PDSS2: variants seen among roughly 807,000 people sequenced by gnomAD.
PDSS2 encodes decaprenyl diphosphate synthase subunit 2, also known as all trans-polyprenyl-diphosphate synthase PDSS2.
In PDSS2, 31 loss-of-function variants were observed where a neutral mutation model predicts 44.5. That is an observed-to-expected ratio of 0.70 (90% CI 0.52 to 0.94). PDSS2 has a LOEUF of 0.94. Among genes scored for constraint, PDSS2 ranks in the 40% least tolerant of loss-of-function variants. The probability of loss-of-function intolerance (pLI) is 0.00; values close to 1 mark genes in which losing one functional copy is unlikely to be tolerated. For missense variants in PDSS2, 452 were observed against 482.2 expected (o/e 0.94, Z 0.59); for synonymous variants, 157 against 180.3 (o/e 0.87, Z 1.03).
At chr6:107,455,453 T>A (rs982696616) in intron 1 of PDSS2, among the ~76,000 whole-genome samples, 3 of 151,830 alleles carry the variant, frequency 2.0e-5, no homozygotes, top group African/African-American at 7.3e-5. Flanking sequence ...CCTTCTGGAT[T>A]ACCAAAAACT....
chr6:107,456,942 G>A (rs1460410165), intron 1 of PDSS2, among the ~76,000 whole-genome samples: 1 of 152,210 alleles, frequency 6.6e-6, no homozygotes, highest in African/African-American at 2.4e-5. Context: ...GACTGGTAAA[G>A]TTACAATTCT....
chr6:107,196,630 T>C (rs1160469111), intron 6 of PDSS2, among the ~76,000 whole-genome samples: 1 of 152,242 alleles, frequency 6.6e-6, no homozygotes, highest in Non-Finnish European at 1.5e-5. Context: ...TCCAGTTTTC[T>C]GGCATACAAC....
chr6:107,180,159 G>A (rs555933488), intron 7 of PDSS2, among the ~76,000 whole-genome samples: 1 of 152,196 alleles, frequency 6.6e-6, no homozygotes, highest in Admixed American at 6.5e-5. Context: ...GACTAAACAG[G>A]CTTTTCTATA....
At chr6:107,273,654 T>G (rs1196862874) in intron 3 of PDSS2, among the ~76,000 whole-genome samples, 1 of 152,010 alleles carries the variant, frequency 6.6e-6, no homozygotes, top group Non-Finnish European at 1.5e-5. Context: ...ATTACATATA[T>G]AAAGGCATTA....
intron 7 of PDSS2, among the ~76,000 whole-genome samples, chr6:107,155,697 A>G (rs1438251520): frequency 6.7e-6 from 1 of 149,428 alleles, no homozygotes; most frequent in Non-Finnish European, 1.5e-5. Context: ...ATCCTGCCTC[A>G]GCCTCCTAAG....
chr6:107,378,382 T>C (rs948573775), intron 1 of PDSS2, among the ~76,000 whole-genome samples: 6 of 152,136 alleles, frequency 3.9e-5, no homozygotes, highest in African/African-American at 1.4e-4. Context: ...TTAAAACCTG[T>C]TAAAACCAAT....
intron 1 of PDSS2, among the ~76,000 whole-genome samples, chr6:107,417,812 C>T (rs1780710930): frequency 7.7e-6 from 1 of 130,480 alleles, no homozygotes; most frequent in South Asian, 2.4e-4. Flanking sequence ...CACACACACA[C>T]ACATATATAC....
In PDSS2 at chr6:107,271,598, T is replaced by C. The variant is rs74550874; in HGVS notation, c.630+2431A>G. ...TACACAGCCAGCTTCTCCCACCACCTGATACAGGAAAGAGTTAGCTGCCCC... is the reference window on the plus strand; with the variant it reads ...TACACAGCCAGCTTCTCCCACCACCCGATACAGGAAAGAGTTAGCTGCCCC... On this transcript the variant is annotated intron_variant, in intron 3 of 7. Transcript: ENST00000369037. Among the ~76,000 whole-genome samples, 337 of 152,336 alleles carry C rather than the reference T, an allele frequency of 2.2e-3. 10 individuals carry two copies. In the East Asian group the frequency reaches 0.06, roughly 27 times the overall value.
chr6:107,252,031 G>T (rs987701271), intron 3 of PDSS2, among the ~76,000 whole-genome samples: 9 of 152,196 alleles, frequency 5.9e-5, no homozygotes, highest in Non-Finnish European at 1.2e-4. Flanking sequence ...TCAGTCCCCA[G>T]TGCTCAGCCA....
intron 3 of PDSS2, among the ~76,000 whole-genome samples, chr6:107,261,234 A>G (rs1336774623): frequency 6.6e-6 from 1 of 151,984 alleles, no homozygotes; most frequent in African/African-American, 2.4e-5. Flanking sequence ...CCCAAATCTC[A>G]TGTTGAATTG....
intron 3 of PDSS2, among the ~76,000 whole-genome samples, chr6:107,253,340 T>C (rs1774891559): frequency 6.6e-6 from 1 of 152,250 alleles, no homozygotes; most frequent in African/African-American, 2.4e-5. Flanking sequence ...CCGGCCATGT[T>C]TGTGGTTTAA....
At chr6:107,258,818 C>A (rs1775115950) in intron 3 of PDSS2, among the ~76,000 whole-genome samples, 1 of 152,072 alleles carries the variant, frequency 6.6e-6, no homozygotes, top group Admixed American at 6.6e-5. Context: ...AAAAAAGTTT[C>A]ATGAAGCCCC....
chr6:107,193,239 C>T (rs1331160974), intron 7 of PDSS2, among the ~76,000 whole-genome samples: 1 of 152,134 alleles, frequency 6.6e-6, no homozygotes, highest in Non-Finnish European at 1.5e-5. Flanking sequence ...TCCAGCCTGC[C>T]CCTGTACTGC....
intron 6 of PDSS2, among the ~76,000 whole-genome samples, chr6:107,198,495 G>A (rs1167439110): frequency 1.3e-5 from 2 of 151,964 alleles, no homozygotes; most frequent in African/African-American, 2.4e-5. Context: ...GTACATAAAA[G>A]TATCATTTAT....
chr6:107,425,732 T>C (rs1290714659), intron 1 of PDSS2, among the ~76,000 whole-genome samples: 3 of 152,034 alleles, frequency 2.0e-5, no homozygotes, highest in Non-Finnish European at 2.9e-5. Flanking sequence ...GAGGCCGAGG[T>C]GGGTGGATCA....
intron 1 of PDSS2, among the ~76,000 whole-genome samples, chr6:107,402,884 T>C (rs747216958): frequency 1.1e-4 from 16 of 151,976 alleles, no homozygotes; most frequent in Non-Finnish European, 1.8e-4. Context: ...GGAACTACAG[T>C]TCAAGATGAG....
chr6:107,438,638 G>C lies in PDSS2; in HGVS notation c.296+20352C>G, dbSNP rs1432501007. Among the ~76,000 whole-genome samples the C allele has an allele frequency of 3.9e-5, 6 of 152,184 alleles. No individual in the cohort carries two copies. In the East Asian group the frequency reaches 1.2e-3, roughly 29 times the overall value. Reference sequence around the variant, plus strand: ...CGAGACCCACGGTTCCTTGAATGAAGGGGAGGCCAAATCCCTTTTGGAAGG... The same window carrying C: ...CGAGACCCACGGTTCCTTGAATGAACGGGAGGCCAAATCCCTTTTGGAAGG... On this transcript the variant is annotated intron_variant, in intron 1 of 7. Transcript: ENST00000369037.
chr6:107,443,124 C>G (rs895174241), intron 1 of PDSS2, among the ~76,000 whole-genome samples: 2 of 152,144 alleles, frequency 1.3e-5, no homozygotes, highest in African/African-American at 4.8e-5. Flanking sequence ...TAGTACTTGG[C>G]CATTAGAGAA....
chr6:107,434,153 G>C (rs371505423), intron 1 of PDSS2, among the ~76,000 whole-genome samples: 24 of 152,352 alleles, frequency 1.6e-4, no homozygotes, highest in African/African-American at 5.5e-4. Context: ...TACACGACTA[G>C]TGGGCATGTA....
Sources: gnomAD v4.1 joint callset for allele counts (sites outside exome capture counted in the v4.1 genomes callset) on GRCh38, gnomAD v4.1.1 for gene constraint, MANE v1.5 for transcripts, NCBI Gene and HGNC (gene_info 2026-07-23, HGNC 2026-07-21) for gene names.